Variants in KCTD6 observed in about 807,000 individuals in gnomAD.
KCTD6 encodes BTB/POZ domain-containing protein KCTD6.
A neutral mutation model predicts 18.7 loss-of-function variants in KCTD6; 6 were observed. That is an observed-to-expected ratio of 0.32 (90% CI 0.18 to 0.63). The LOEUF is 0.63. KCTD6 is among the 30% of genes least tolerant of loss of function. KCTD6 has a pLI of 0.79. For synonymous variants in KCTD6, 86 were observed against 108.5 expected (o/e 0.79, Z 1.29); for missense variants, 165 against 300.2 (o/e 0.55, Z 3.33).
chr3:58,492,492 C>T lies in KCTD6; in HGVS notation c.-44+323C>T, dbSNP rs899602394. ...GAGCATCGCCCGCCCTACCCCTGGC[C>T]GGGTCGGGTTGCGGGGGCTTCGCTG... On this transcript the variant is annotated intron_variant, in intron 1 of 2. Transcript: ENST00000404589. The surrounding 1 kb of genome is among the most constrained non-coding windows in gnomAD (Gnocchi z 6.1). Among the ~76,000 whole-genome samples, 2 of 151,792 alleles carry T rather than the reference C, an allele frequency of 1.3e-5. No homozygotes were observed. Among genetic ancestry groups the T allele is most frequent in the Non-Finnish European group, 2.9e-5 (2 of 67,904 alleles).
chr3:58,498,741 G>A lies in KCTD6; in HGVS notation c.-15G>A, dbSNP rs370856171. The A allele has an allele frequency of 3.7e-6, 6 of 1,609,348 alleles. No homozygotes were observed. The highest frequency in any genetic ancestry group is 3.3e-5 in the Admixed American group (2 of 59,706). On this transcript the variant is annotated 5_prime_UTR_variant, in exon 2 of 3. Coordinates refer to ENST00000404589, the MANE Select transcript of KCTD6 (RefSeq NM_001128214.2). This position sits in a 1 kb window ranked among gnomAD's most constrained non-coding sequence, Gnocchi z 4.6. The stretch of plus-strand genomic sequence containing the variant: ...CCCTGAAACCTGGGCTCTTGAAGAC[G>A]CATCACTGGAGCAGATGGATAATGG...
At position 58,496,082 on chromosome 3, in the gene KCTD6, G is replaced by A. The variant is rs2063174047; in HGVS notation, c.-43-2631G>A. Among the ~76,000 whole-genome samples the A allele has an allele frequency of 6.6e-6, 1 of 151,930 alleles. No homozygotes were observed. The highest frequency in any genetic ancestry group is 1.5e-5 in the Non-Finnish European group (1 of 68,006). On this transcript the variant is annotated intron_variant, in intron 1 of 2. Transcript: ENST00000404589. The surrounding 1 kb of genome is among the most constrained non-coding windows in gnomAD (Gnocchi z 5.1). ...GAGTTCTTTATGTCACTACAGACAG[G>A]ACAGCAACCGTTATTCACACTAGTT...
Position 58,493,451 on chromosome 3 carries a change from T to C in KCTD6, c.-44+1282T>C, listed in dbSNP as rs535544252. 6.6e-6 allele frequency among the ~76,000 whole-genome samples: 1 copy of C among 152,366 alleles called. No homozygotes were observed. The highest frequency in any genetic ancestry group is 1.5e-5 in the Non-Finnish European group (1 of 68,034). ...TGGATTTTGATATTTGGGGTCCATT[T>C]AAAATGGAGTACCTGTATGTATTTG... On this transcript the variant is annotated intron_variant, in intron 1 of 2. Coordinates refer to ENST00000404589, the MANE Select transcript of KCTD6 (RefSeq NM_001128214.2). This position sits in a 1 kb window ranked among gnomAD's most constrained non-coding sequence, Gnocchi z 4.5.
rs547490582 is a variant in KCTD6 at position 58,496,649 on chromosome 3, C to T, written c.-43-2064C>T. Among the ~76,000 whole-genome samples the T allele has an allele frequency of 2.6e-5, 4 of 152,338 alleles. No homozygotes were observed. The highest frequency in any genetic ancestry group is 1.9e-4 in the East Asian group (1 of 5,190). On this transcript the variant is annotated intron_variant, in intron 1 of 2. Coordinates refer to ENST00000404589, the MANE Select transcript of KCTD6 (RefSeq NM_001128214.2). This position sits in a 1 kb window ranked among gnomAD's most constrained non-coding sequence, Gnocchi z 5.1. The stretch of plus-strand genomic sequence containing the variant: ...TTGAAATCTTGCTTTTCCCCTCTCA[C>T]GGGCCTCTGCTGGTCCATCTGTTAT...
In KCTD6 at chr3:58,501,147, T is replaced by C. The variant is rs752879054; in HGVS notation, c.229T>C (p.Leu77=). 3 of 1,614,062 alleles carry C rather than the reference T, an allele frequency of 1.9e-6. No homozygotes were observed. Among genetic ancestry groups the C allele is most frequent in the South Asian group, 1.1e-5 (1 of 91,078 alleles). ...CCTCAACTTCTTAAGAACTTCAGAA[T>C]TGACCTTACCGTTGGATTTTAAGGA... ...YVLNFLRTSE[L]TLPLDFKEFD... The change falls in exon 3 of 3, where the codon TTG becomes CTG. Residue 77 remains leucine, a synonymous_variant. Transcript: ENST00000404589. This position sits in a 1 kb window ranked among gnomAD's most constrained non-coding sequence, Gnocchi z 9.7.
chr3:58,499,848 T>C (rs1560204844), intron 2 of KCTD6, among the ~76,000 whole-genome samples: 1 of 152,132 alleles, frequency 6.6e-6, no homozygotes, highest in African/African-American at 2.4e-5. Context: ...CCTATTTTTT[T>C]CGTAAATAGT....
At position 58,493,825 on chromosome 3, in the gene KCTD6, C is replaced by G. The variant is rs1165540080; in HGVS notation, c.-44+1656C>G. ...ACAGATGGTTTTATATTCATGATCTCCCTTATTTTCTCCATTTCCCCAAAG... is the reference window on the plus strand; with the variant it reads ...ACAGATGGTTTTATATTCATGATCTGCCTTATTTTCTCCATTTCCCCAAAG... On this transcript the variant is annotated intron_variant, in intron 1 of 2. Transcript: ENST00000404589. The surrounding 1 kb of genome is among the most constrained non-coding windows in gnomAD (Gnocchi z 4.5). The G allele has an allele frequency of 6.6e-6, 1 of 152,164 alleles. No homozygotes were observed. The highest frequency in any genetic ancestry group is 1.5e-5 in the Non-Finnish European group (1 of 68,026). The allele number at this position is 152,164 out of a possible 1,614,324, so 9.4% of individuals were successfully genotyped here.
At chr3:58,499,472 C>T (rs1334987947) in intron 2 of KCTD6, among the ~76,000 whole-genome samples, 1 of 150,412 alleles carries the variant, frequency 6.6e-6, no homozygotes, top group Non-Finnish European at 1.5e-5. Flanking sequence ...CCCTATTTTT[C>T]TATTCCTTTG....
In KCTD6 at chr3:58,499,860, T is replaced by C. The variant is rs561555284; in HGVS notation, c.27+1078T>C. Among the ~76,000 whole-genome samples, 5 of 152,008 alleles carry C rather than the reference T, an allele frequency of 3.3e-5. No homozygotes were observed. In the South Asian group the frequency reaches 1.0e-3, roughly 32 times the overall value. On this transcript the variant is annotated intron_variant, in intron 2 of 2. Coordinates refer to ENST00000404589, the MANE Select transcript of KCTD6 (RefSeq NM_001128214.2). ...TGGCCTATTTTTTTCGTAAATAGTATTTCTAAAACTGAAGGTATGTTTTTT... is the reference window on the plus strand; with the variant it reads ...TGGCCTATTTTTTTCGTAAATAGTACTTCTAAAACTGAAGGTATGTTTTTT...
In KCTD6 at chr3:58,492,235, T is replaced by G. The variant is rs2063158187; in HGVS notation, c.-44+66T>G. ...GGAGGGCCGGGTTTCAGGAGACGTC[T>G]GCGCCGAGCGGCCAGGGGAGCGGGG... On this transcript the variant is annotated intron_variant, in intron 1 of 2. Coordinates refer to ENST00000404589, the MANE Select transcript of KCTD6 (RefSeq NM_001128214.2). The surrounding 1 kb of genome is among the most constrained non-coding windows in gnomAD (Gnocchi z 6.1). The G allele has an allele frequency of 6.7e-6, 1 of 149,226 alleles. No homozygotes were observed. The highest frequency in any genetic ancestry group is 2.1e-4 in the South Asian group (1 of 4,844). The allele number at this position is 149,226 out of a possible 1,614,324, so 9.2% of individuals were successfully genotyped here. A position where few individuals can be genotyped will look rare whatever the true frequency, so the allele number is the denominator to read the frequency against.
At chr3:58,494,458 C>G (rs542715632) in intron 1 of KCTD6, 1 of 152,258 alleles carries the variant, frequency 6.6e-6, no homozygotes, top group South Asian at 2.1e-4. Context: ...CTACCAGACA[C>G]GAAGGTTTCA....
rs369550015 is a variant in KCTD6, at chr3:58,493,245, A to G, written c.-44+1076A>G. Among the ~76,000 whole-genome samples the G allele has an allele frequency of 1.2e-4, 18 of 152,362 alleles. No individual in the cohort carries two copies. The highest frequency in any genetic ancestry group is 3.4e-3 in the Middle Eastern group (1 of 294). The stretch of plus-strand genomic sequence containing the variant: ...GAGTATTTTCTCTTTGGCCGAAACC[A>G]TCAGTCCATACTGATACTTGATTTT... On this transcript the variant is annotated intron_variant, in intron 1 of 2. Transcript: ENST00000404589. The surrounding 1 kb of genome is among the most constrained non-coding windows in gnomAD (Gnocchi z 4.5).
chr3:58,495,197 A>G (rs1285985178), intron 1 of KCTD6, among the ~76,000 whole-genome samples: 1 of 152,220 alleles, frequency 6.6e-6, no homozygotes, highest in Non-Finnish European at 1.5e-5. Context: ...TTCATCAAGT[A>G]AAATAGGCCT....
chr3:58,502,013 A>G lies in KCTD6; in HGVS notation c.*381A>G, dbSNP rs1324001583. The stretch of plus-strand genomic sequence containing the variant: ...TGAAAGAATAAGCAGAGTACTCATG[A>G]TGCCTTTGAGAAAAATCAAAACATC... On this transcript the variant is annotated 3_prime_UTR_variant, in exon 3 of 3. Coordinates refer to ENST00000404589, the MANE Select transcript of KCTD6 (RefSeq NM_001128214.2). The G allele has an allele frequency of 6.4e-6, 1 of 156,020 alleles. No individual in the cohort carries two copies. The highest frequency in any genetic ancestry group is 1.4e-5 in the Non-Finnish European group (1 of 70,390). The allele number at this position is 156,020 out of a possible 1,614,324, so 9.7% of individuals were successfully genotyped here.
rs191540121 is a variant in KCTD6, at chr3:58,498,890, T to C, written c.27+108T>C. The stretch of plus-strand genomic sequence containing the variant: ...TCTTATAAGAAAAGAAAATTGTGAA[T>C]TTGTGTAACCTCTCTTCCCCCTTTT... On this transcript the variant is annotated intron_variant, in intron 2 of 2. Transcript: ENST00000404589. This position sits in a 1 kb window ranked among gnomAD's most constrained non-coding sequence, Gnocchi z 4.6. 381 of 900,224 alleles carry C rather than the reference T, an allele frequency of 4.2e-4. No individual in the cohort carries two copies. Among genetic ancestry groups the C allele is most frequent in the Middle Eastern group, 3.2e-3 (14 of 4,392 alleles). 55.8% of individuals were successfully genotyped at this position (900,224 alleles called of 1,614,324 possible).
rs1401960539 is a variant in KCTD6 at position 58,497,911 on chromosome 3, C to T, written c.-43-802C>T. On this transcript the variant is annotated intron_variant, in intron 1 of 2. Coordinates refer to ENST00000404589, the MANE Select transcript of KCTD6 (RefSeq NM_001128214.2). This position sits in a 1 kb window ranked among gnomAD's most constrained non-coding sequence, Gnocchi z 4.2. ...GTTTATGATTTTTGATGTTTTTACT[C>T]AGGTGATTGGCTTGTATAGCTGAAA... The T allele has an allele frequency of 6.6e-6, 1 of 151,412 alleles. No homozygotes were observed. The highest frequency in any genetic ancestry group is 1.5e-5 in the Non-Finnish European group (1 of 67,928). 9.4% of individuals were successfully genotyped at this position (151,412 alleles called of 1,614,324 possible).
In KCTD6 at chr3:58,496,592, T is replaced by C. The variant is rs1411467785; in HGVS notation, c.-43-2121T>C. Reference sequence around the variant, plus strand: ...ATTTTCTTTCAAGGATTCAACTGAATGGGCTCTTCCCAGAAGTCCTCTATT... The same window carrying C: ...ATTTTCTTTCAAGGATTCAACTGAACGGGCTCTTCCCAGAAGTCCTCTATT... On this transcript the variant is annotated intron_variant, in intron 1 of 2. Coordinates refer to ENST00000404589, the MANE Select transcript of KCTD6 (RefSeq NM_001128214.2). This position sits in a 1 kb window ranked among gnomAD's most constrained non-coding sequence, Gnocchi z 5.1. Among the ~76,000 whole-genome samples the C allele has an allele frequency of 6.6e-6, 1 of 152,222 alleles. No homozygotes were observed. Among genetic ancestry groups the C allele is most frequent in the African/African-American group, 2.4e-5 (1 of 41,452 alleles).
rs1035633282 is a variant in KCTD6, at chr3:58,497,973, T to A, written c.-43-740T>A. ...AGGAGTTTTCCCTTCTCCCTTTTTC[T>A]TTTCTTTTCTTTTTTTTTTTTTTTT... On this transcript the variant is annotated intron_variant, in intron 1 of 2. Transcript: ENST00000404589. This position sits in a 1 kb window ranked among gnomAD's most constrained non-coding sequence, Gnocchi z 4.2. 3 of 145,226 alleles carry A rather than the reference T, an allele frequency of 2.1e-5. No homozygotes were observed. The highest frequency in any genetic ancestry group is 4.7e-5 in the Non-Finnish European group (3 of 64,264). 9.0% of individuals were successfully genotyped at this position (145,226 alleles called of 1,614,324 possible). A position where few individuals can be genotyped will look rare whatever the true frequency, so the allele number is the denominator to read the frequency against.
At chr3:58,494,595 G>A (rs936456832) in intron 1 of KCTD6, among the ~76,000 whole-genome samples, 1 of 152,050 alleles carries the variant, frequency 6.6e-6, no homozygotes, top group Non-Finnish European at 1.5e-5. Context: ...CTTTTGCCCC[G>A]GAGAATTCTT....
Sources: allele counts gnomAD v4.1 joint callset (sites outside exome capture counted in the v4.1 genomes callset), GRCh38; gene constraint gnomAD v4.1.1; non-coding constraint Gnocchi (gnomAD v3.1); transcripts MANE v1.5; gene names NCBI Gene and HGNC (gene_info 2026-07-23, HGNC 2026-07-21).